The following CACNA1C variants were observed in gnomAD, a reference collection of about 807,000 sequenced individuals.
CACNA1C encodes voltage-dependent L-type calcium channel subunit alpha-1C.
In CACNA1C, 30 loss-of-function variants were observed where a neutral mutation model predicts 229.0. That is an observed-to-expected ratio of 0.13 (90% CI 0.10 to 0.18). CACNA1C has a LOEUF of 0.18. Among genes scored for constraint, CACNA1C ranks in the 10% least tolerant of loss-of-function variants. The probability of loss-of-function intolerance (pLI) is 1.00; values close to 1 mark genes in which losing one functional copy is unlikely to be tolerated. For synonymous variants in CACNA1C, 1,114 were observed against 1,132.5 expected (o/e 0.98, Z 0.33); for missense variants, 1,658 against 2,845.0 (o/e 0.58, Z 9.49).
chr12:2,271,700 C>T lies in CACNA1C; in HGVS notation c.477+151270C>T, dbSNP rs138051283. ...GAATTGCTTGAGCCCAGGAGTTTGACACCAGCCTGGGAAACATAGTGAACC... is the reference window on the plus strand; with the variant it reads ...GAATTGCTTGAGCCCAGGAGTTTGATACCAGCCTGGGAAACATAGTGAACC... On this transcript the variant is annotated intron_variant, in intron 3 of 46. Coordinates refer to ENST00000399655, the MANE Select transcript of CACNA1C (RefSeq NM_000719.7). 6.5e-4 allele frequency among the ~76,000 whole-genome samples: 98 copies of T among 151,778 alleles called. 1 individual carries two copies. In the East Asian group the frequency reaches 0.017, roughly 27 times the overall value.
chr12:2,179,448 C>G (rs1422859953), intron 3 of CACNA1C, among the ~76,000 whole-genome samples: 1 of 152,254 alleles, frequency 6.6e-6, no homozygotes, highest in Admixed American at 6.5e-5. Flanking sequence ...GACCCATAGA[C>G]TCTAAGGTTG....
chr12:2,572,502 CTGCTCCTTCTCCT>C (rs2055964865), intron 13 of CACNA1C, among the ~76,000 whole-genome samples: 1 of 95,854 alleles, frequency 1.0e-5, no homozygotes, highest in African/African-American at 4.1e-5. Context: ...TCCTCCTCTC[CTGCTCCTTCTCCT>C]CTTCCTCCTT....
intron 3 of CACNA1C, among the ~76,000 whole-genome samples, chr12:2,432,519 C>T (rs1301081476): frequency 6.6e-6 from 1 of 152,164 alleles, no homozygotes; most frequent in Non-Finnish European, 1.5e-5. Flanking sequence ...TGACCCTCTC[C>T]TCCCACCTGC....
At chr12:2,007,137 C>T (rs951061456) in intron 1 of CACNA1C, among the ~76,000 whole-genome samples, 1 of 152,214 alleles carries the variant, frequency 6.6e-6, no homozygotes, top group Admixed American at 6.5e-5. Context: ...CACACTCTCT[C>T]ACTTGATTAG....
chr12:2,068,298 G>A (rs528061004), intron 1 of CACNA1C, among the ~76,000 whole-genome samples: 1 of 152,302 alleles, frequency 6.6e-6, no homozygotes, highest in Admixed American at 6.5e-5. Context: ...CCCTGCCCCA[G>A]TCCCTGTCAC....
At chr12:2,432,694 G>T (rs962112115) in intron 3 of CACNA1C, among the ~76,000 whole-genome samples, 1 of 152,178 alleles carries the variant, frequency 6.6e-6, no homozygotes. Context: ...AAAATGGAGT[G>T]TGTAAATAAG....
intron 3 of CACNA1C, among the ~76,000 whole-genome samples, chr12:2,128,825 G>T (rs111298838): frequency 1.3e-5 from 2 of 152,176 alleles, no homozygotes; most frequent in South Asian, 4.1e-4. Context: ...GTATAAATGC[G>T]TTTAAACATG....
intron 3 of CACNA1C, among the ~76,000 whole-genome samples, chr12:2,412,816 T>C (rs1034078329): frequency 1.3e-5 from 2 of 152,216 alleles, no homozygotes; most frequent in African/African-American, 4.8e-5. Context: ...GTTTGTCTCA[T>C]GTTGAGTACG....
At position 2,605,191 on chromosome 12, in the gene CACNA1C, G is replaced by A; in HGVS notation, c.3048+23G>A. The A allele has an allele frequency of 2.6e-6, 4 of 1,531,070 alleles. No individual in the cohort carries two copies. Among genetic ancestry groups the A allele is most frequent in the South Asian group, 1.1e-5 (1 of 89,346 alleles). 94.8% of individuals were successfully genotyped at this position (1,531,070 alleles called of 1,614,324 possible). On this transcript the variant is annotated intron_variant, in intron 23 of 46. Transcript: ENST00000399655. This position sits in a 1 kb window ranked among gnomAD's most constrained non-coding sequence, Gnocchi z 6.2. ...AAGGTGAGTTGAGGGCTTGGGTAGGGAGTCTCCAGCCAGCCCATTGGGGAG... is the reference window on the plus strand; with the variant it reads ...AAGGTGAGTTGAGGGCTTGGGTAGGAAGTCTCCAGCCAGCCCATTGGGGAG...
At chr12:2,381,966 C>T (rs2098260841) in intron 3 of CACNA1C, among the ~76,000 whole-genome samples, 1 of 152,194 alleles carries the variant, frequency 6.6e-6, no homozygotes, top group Non-Finnish European at 1.5e-5. Flanking sequence ...TCAGAGGGCC[C>T]TCCTTCAAAG....
At position 2,539,198 on chromosome 12, in the gene CACNA1C, G is replaced by T. The variant is rs999205174; in HGVS notation, c.1391-10745G>T. 8.5e-5 allele frequency among the ~76,000 whole-genome samples: 13 copies of T among 152,130 alleles called. 1 individual carries two copies. Among genetic ancestry groups the T allele is most frequent in the Non-Finnish European group, 1.2e-4 (8 of 68,040 alleles). Reference sequence around the variant, plus strand: ...GGAAACAGTAGGTACTCTTAAACTAGGTGACTTGAGGAGGGCTTCATAAAG... The same window carrying T: ...GGAAACAGTAGGTACTCTTAAACTATGTGACTTGAGGAGGGCTTCATAAAG... On this transcript the variant is annotated intron_variant, in intron 9 of 46. Transcript: ENST00000399655.
chr12:2,350,660 A>G (rs968131102), intron 3 of CACNA1C, among the ~76,000 whole-genome samples: 1 of 152,176 alleles, frequency 6.6e-6, no homozygotes, highest in African/African-American at 2.4e-5. Flanking sequence ...TCACCCCCTC[A>G]TATGGGCAGC....
At position 2,504,630 on chromosome 12, in the gene CACNA1C, G is replaced by T; in HGVS notation, c.1114-212G>T. ...ACATGCCCGGGGTCCTCAGGGATGG[G>T]ACCCTGACAGGCCCAGGAAAACCAC... On this transcript the variant is annotated intron_variant, in intron 7 of 46. Coordinates refer to ENST00000399655, the MANE Select transcript of CACNA1C (RefSeq NM_000719.7). The surrounding 1 kb of genome is among the most constrained non-coding windows in gnomAD (Gnocchi z 6.8). The T allele has an allele frequency of 1.2e-6, 1 of 834,970 alleles. No homozygotes were observed. The highest frequency in any genetic ancestry group is 2.1e-6 in the Non-Finnish European group (1 of 481,148). The allele number at this position is 834,970 out of a possible 1,614,324, so 51.7% of individuals were successfully genotyped here. A position where few individuals can be genotyped will look rare whatever the true frequency, so the allele number is the denominator to read the frequency against.
chr12:2,608,274 G>A lies in CACNA1C; in HGVS notation c.3357-237G>A, dbSNP rs931946770. On this transcript the variant is annotated intron_variant, in intron 26 of 46. Transcript: ENST00000399655. The surrounding 1 kb of genome is among the most constrained non-coding windows in gnomAD (Gnocchi z 4.2). ...TCCTATACATTATTCTAACTACCCT[G>A]CAAGGTAGGAAAGTCAGGAATTATT... Among the ~76,000 whole-genome samples the A allele has an allele frequency of 2.6e-5, 4 of 152,170 alleles. No homozygotes were observed. The highest frequency in any genetic ancestry group is 9.7e-5 in the African/African-American group (4 of 41,430).
At position 2,512,527 on chromosome 12, in the gene CACNA1C, A is replaced by G. The variant is rs548691410; in HGVS notation, c.1218-285A>G. Among the ~76,000 whole-genome samples, 10 of 152,274 alleles carry G rather than the reference A, an allele frequency of 6.6e-5. No individual in the cohort carries two copies. The highest frequency in any genetic ancestry group is 2.0e-4 in the Admixed American group (3 of 15,292). ...AAAGCAAAGCCTGTGATCATGATCC[A>G]GGAAAAGAGGGAGATGGACTTCATC... is the stretch of plus-strand genomic sequence containing the variant. On this transcript the variant is annotated intron_variant, in intron 8 of 46. Coordinates refer to ENST00000399655, the MANE Select transcript of CACNA1C (RefSeq NM_000719.7). This position sits in a 1 kb window ranked among gnomAD's most constrained non-coding sequence, Gnocchi z 4.3.
chr12:2,627,756 G>A (rs765118202), intron 29 of CACNA1C, among the ~76,000 whole-genome samples: 2 of 152,060 alleles, frequency 1.3e-5, no homozygotes, highest in South Asian at 4.2e-4. Context: ...TGTCTCCAAG[G>A]GCCCTTCAGA....
intron 3 of CACNA1C, among the ~76,000 whole-genome samples, chr12:2,400,007 G>A (rs2098654566): frequency 6.6e-6 from 1 of 152,214 alleles, no homozygotes; most frequent in African/African-American, 2.4e-5. Flanking sequence ...TACAACAGCT[G>A]TGCCCAGTTT....
chr12:2,544,655 G>T (rs999056935), intron 9 of CACNA1C, among the ~76,000 whole-genome samples: 2 of 152,162 alleles, frequency 1.3e-5, no homozygotes, highest in African/African-American at 4.8e-5. Context: ...GTAAAACTCC[G>T]TGCTTCCAGA....
intron 1 of CACNA1C, among the ~76,000 whole-genome samples, chr12:2,097,476 T>C (rs1417228846): frequency 6.6e-6 from 1 of 152,188 alleles, no homozygotes; most frequent in Non-Finnish European, 1.5e-5. Context: ...ACTTTCATCC[T>C]GTTTTCCATA....
Sources: allele counts gnomAD v4.1 joint callset (sites outside exome capture counted in the v4.1 genomes callset), GRCh38; gene constraint gnomAD v4.1.1; non-coding constraint Gnocchi (gnomAD v3.1); transcripts MANE v1.5; gene names NCBI Gene and HGNC (gene_info 2026-07-23, HGNC 2026-07-21).